Variants in ZBTB46 observed in about 807,000 individuals in gnomAD.
The protein encoded by ZBTB46 is zinc finger and BTB domain containing 46, also known as zinc finger and BTB domain-containing protein 46.
Under a neutral mutation model 44.1 loss-of-function variants are expected in ZBTB46, and 8 were observed. That is an observed-to-expected ratio of 0.18 (90% CI 0.11 to 0.33). The LOEUF is 0.33. ZBTB46 is among the 10% of genes least tolerant of loss of function. The probability of loss-of-function intolerance (pLI) is 1.00; values close to 1 mark genes in which losing one functional copy is unlikely to be tolerated. For synonymous variants in ZBTB46, 409 were observed against 382.3 expected (o/e 1.07, Z -0.81); for missense variants, 651 against 847.7 (o/e 0.77, Z 2.88).
chr20:63,747,355 AGGGGGTGAGC>A, intron 4 of ZBTB46, 54 bp from the exon 5 acceptor site: 4 of 384,668 alleles, frequency 1.0e-5, no homozygotes, highest in Non-Finnish European at 1.3e-5. Context: ...GGGGCGGGGC[AGGGGGTGAGC>A]AGGGCCTGGT....
chr20:63,792,576 G>C (rs2092570316), intron 1 of ZBTB46, among the ~76,000 whole-genome samples: 1 of 152,050 alleles, frequency 6.6e-6, no homozygotes. Context: ...GAGTGCAGTG[G>C]TTTGATCTCC....
At chr20:63,773,230 C>CTTTTTTTT (rs745777313) in intron 3 of ZBTB46, among the ~76,000 whole-genome samples, 6 of 134,020 alleles carry the variant, frequency 4.5e-5, no homozygotes, top group African/African-American at 1.4e-4. Context: ...AGTCCAATGG[C>CTTTTTTTT]TTTTTTTTTT....
intron 4 of ZBTB46, among the ~76,000 whole-genome samples, chr20:63,748,884 G>A (rs912752683): frequency 6.6e-6 from 1 of 152,220 alleles, no homozygotes; most frequent in Non-Finnish European, 1.5e-5. Flanking sequence ...GTGTCATGGC[G>A]GAAGACGGTC....
chr20:63,773,159 C>T (rs1175165754), intron 3 of ZBTB46, among the ~76,000 whole-genome samples: 1 of 151,916 alleles, frequency 6.6e-6, no homozygotes, highest in African/African-American at 2.4e-5. Context: ...CGGAGCCACA[C>T]CCAGGGAGGG....
intron 2 of ZBTB46, among the ~76,000 whole-genome samples, chr20:63,782,092 A>AG (rs2092474775): frequency 6.9e-6 from 1 of 145,872 alleles, no homozygotes; most frequent in East Asian, 2.0e-4. Context: ...GTCTCAAAAA[A>AG]AAAAAAAAGA....
At chr20:63,761,324 T>C (rs977537749) in intron 3 of ZBTB46, among the ~76,000 whole-genome samples, 3 of 152,118 alleles carry the variant, frequency 2.0e-5, no homozygotes, top group African/African-American at 7.2e-5. Flanking sequence ...ATTTCCCTTC[T>C]GTTACTTTCT....
intron 1 of ZBTB46, among the ~76,000 whole-genome samples, chr20:63,815,794 C>T (rs572446521): frequency 6.9e-6 from 1 of 144,754 alleles, no homozygotes; most frequent in South Asian, 2.2e-4. Context: ...GGTGCAGGTG[C>T]AGTGGGTACA....
chr20:63,765,176 G>C (rs1338743301), intron 3 of ZBTB46, among the ~76,000 whole-genome samples: 2 of 151,996 alleles, frequency 1.3e-5, no homozygotes, highest in Non-Finnish European at 2.9e-5. Flanking sequence ...GTATGCAGAA[G>C]CTGGGGTCCT....
At chr20:63,792,810 G>A (rs1468874502) in intron 1 of ZBTB46, among the ~76,000 whole-genome samples, 3 of 152,226 alleles carry the variant, frequency 2.0e-5, no homozygotes, top group African/African-American at 7.2e-5. Context: ...GAGCCACCAC[G>A]CCCAGCCTAA....
At position 63,744,345 on chromosome 20, in the gene ZBTB46, G is replaced by C. The variant is rs1007435665; in HGVS notation, c.*2585C>G. The C allele has an allele frequency of 1.4e-4, 21 of 152,208 alleles. No individual in the cohort carries two copies. Among genetic ancestry groups the C allele is most frequent in the Admixed American group, 2.6e-4 (4 of 15,260 alleles). 9.4% of individuals were successfully genotyped at this position (152,208 alleles called of 1,614,324 possible). A position where few individuals can be genotyped will look rare whatever the true frequency, so the allele number is the denominator to read the frequency against. ...GTGTCCCAAAGCTCAGAGAGCCCCA[G>C]TGTACAACCTGGTCAGGATCCAGAG... On this transcript the variant is annotated 3_prime_UTR_variant, in exon 5 of 5. Coordinates refer to ENST00000245663, the MANE Select transcript of ZBTB46 (RefSeq NM_001369741.1).
rs573566471 is a variant in ZBTB46, at chr20:63,790,296, C to T, written c.462G>A (p.Thr154=). 11 of 1,612,996 alleles carry T rather than the reference C, an allele frequency of 6.8e-6. No individual in the cohort carries two copies. The highest frequency in any genetic ancestry group is 3.3e-5 in the Admixed American group (2 of 59,990). The change falls in exon 2 of 5, where the codon ACG becomes ACA. Residue 154 remains threonine (T), a synonymous_variant. Coordinates refer to ENST00000245663, the MANE Select transcript of ZBTB46 (RefSeq NM_001369741.1). ...FEIGASSSSS[T]EALISAVMAG... ...CCATCACGGCCGAGATGAGAGCTTC[C>T]GTGCTGCTGCTGGACGAGGCGCCGA...
intron 2 of ZBTB46, among the ~76,000 whole-genome samples, chr20:63,782,238 C>A (rs2092477026): frequency 6.6e-6 from 1 of 151,084 alleles, no homozygotes. Context: ...CAGAACGACT[C>A]CGCAGACCTG....
rs919436752 is a variant in ZBTB46 at position 63,768,155 on chromosome 20, G to A, written c.1222+7523C>T. 6 of 984,530 alleles carry A rather than the reference G, an allele frequency of 6.1e-6. No homozygotes were observed. In the African/African-American group the frequency reaches 1.0e-4, roughly 17 times the overall value. The allele number at this position is 984,530 out of a possible 1,614,324, so 61.0% of individuals were successfully genotyped here. A position where few individuals can be genotyped will look rare whatever the true frequency, so the allele number is the denominator to read the frequency against. ...GACTGTAATTAATTCTCAATAAAGAGACACTCAAAAATATATGCATTAACA... is the reference window on the plus strand; with the variant it reads ...GACTGTAATTAATTCTCAATAAAGAAACACTCAAAAATATATGCATTAACA... On this transcript the variant is annotated intron_variant, in intron 3 of 4. Coordinates refer to ENST00000245663, the MANE Select transcript of ZBTB46 (RefSeq NM_001369741.1).
At chr20:63,818,437 A>AG in intron 1 of ZBTB46, among the ~76,000 whole-genome samples, 1 of 152,176 alleles carries the variant, frequency 6.6e-6, no homozygotes, top group East Asian at 1.9e-4. Flanking sequence ...CTGCAGAGGG[A>AG]GGGTGGGCCA....
rs565430729 is a variant in ZBTB46 at position 63,819,818 on chromosome 20, C to T, written c.-34+11279G>A. Among the ~76,000 whole-genome samples, 24 of 152,298 alleles carry T rather than the reference C, an allele frequency of 1.6e-4. 1 individual carries two copies. The South Asian group carries it at 4.4e-3, about 28-fold the overall frequency. On this transcript the variant is annotated intron_variant, in intron 1 of 4. Transcript: ENST00000245663. The stretch of plus-strand genomic sequence containing the variant: ...CTGGGACGCTCGGAGCACTGACAGC[C>T]GCTTTGTCAGTCACGGGACACGCAT...
chr20:63,747,181 G>A lies in ZBTB46; in HGVS notation c.1519C>T (p.Arg507Cys), dbSNP rs756039613. The stretch of plus-strand genomic sequence containing the variant: ...TGGTCCAGGGGCCCGGCCATGCCGC[G>A]GCCAGCACAGTCGGTGCACACACCG... ...RHGVCTDCAG[R>C]GMAGPLDHGG... Residue 507 changes from arginine to cysteine, a missense_variant, in exon 5 of 5, where the codon CGC becomes TGC. Around this residue, in one of 5 missense-constraint regions of ZBTB46, gnomAD observed 75 missense variants for 107.8 expected, o/e 0.70. Transcript: ENST00000245663. 29 of 1,608,710 alleles carry A rather than the reference G, an allele frequency of 1.8e-5. No individual in the cohort carries two copies. The highest frequency in any genetic ancestry group is 1.7e-4 in the Middle Eastern group (1 of 5,912).
chr20:63,812,832 A>C (rs183464253), intron 1 of ZBTB46, among the ~76,000 whole-genome samples: 103 of 152,072 alleles, frequency 6.8e-4, no homozygotes, highest in African/African-American at 2.4e-3. Context: ...GTGGTGGCTA[A>C]TGCCTGTAAT....
intron 1 of ZBTB46, among the ~76,000 whole-genome samples, chr20:63,792,921 G>A (rs928958893): frequency 6.6e-6 from 1 of 152,194 alleles, no homozygotes; most frequent in African/African-American, 2.4e-5. Flanking sequence ...TGCCTTCAGG[G>A]TCCTGGGCCA....
At chr20:63,792,268 T>C (rs2092567152) in intron 1 of ZBTB46, among the ~76,000 whole-genome samples, 1 of 152,180 alleles carries the variant, frequency 6.6e-6, no homozygotes, top group South Asian at 2.1e-4. Flanking sequence ...AAACAGTGGT[T>C]GGGTCTCTCC....
Sources: gnomAD v4.1 joint callset for allele counts (sites outside exome capture counted in the v4.1 genomes callset) on GRCh38, gnomAD v4.1.1 for gene constraint, gnomAD v4.1.1 regional missense constraint, MANE v1.5 for transcripts, NCBI Gene and HGNC (gene_info 2026-07-23, HGNC 2026-07-21) for gene names.